DPP3: variants seen among roughly 807,000 people sequenced by gnomAD.
DPP3 encodes DPP III.
Under a neutral mutation model 89.8 loss-of-function variants are expected in DPP3, and 64 were observed. The ratio of observed to expected loss-of-function variants is 0.71; its 90% CI spans 0.58 to 0.88. The LOEUF (loss-of-function observed/expected upper bound fraction) is 0.88. DPP3 is among the 40% of genes least tolerant of loss of function. The pLI is 0.00. For missense variants in DPP3, 835 were observed against 972.5 expected (o/e 0.86, Z 1.88); for synonymous variants, 377 against 404.3 (o/e 0.93, Z 0.81).
intron 16 of DPP3, among the ~76,000 whole-genome samples, chr11:66,502,790 G>A (rs947659259): frequency 9.2e-5 from 14 of 151,896 alleles, no homozygotes; most frequent in East Asian, 3.9e-4. Flanking sequence ...TAGTAGAAAC[G>A]GGGTTTCACA....
Position 66,482,278 on chromosome 11 carries a change from G to A in DPP3, c.78G>A (p.Leu26=), listed in dbSNP as rs1444566555. Residue 26 remains leucine, a synonymous_variant, in exon 2 of 18, where the codon CTG becomes CTA. Coordinates refer to ENST00000531863, the MANE Select transcript of DPP3 (RefSeq NM_130443.4). ...ACTGCCGTGAGGCCTTCCGCCTGCTGTCACCCACAGAGCGCCTCTATGCCT... is the reference window on the plus strand; with the variant it reads ...ACTGCCGTGAGGCCTTCCGCCTGCTATCACCCACAGAGCGCCTCTATGCCT... The part of the protein sequence containing the change: ...SLDCREAFRL[L]SPTERLYAYH... 3 of 1,614,044 alleles carry A rather than the reference G, an allele frequency of 1.9e-6. No homozygotes were observed. The highest frequency in any genetic ancestry group is 2.5e-6 in the Non-Finnish European group (3 of 1,180,050).
intron 17 of DPP3, among the ~76,000 whole-genome samples, chr11:66,505,259 C>T (rs536845921): frequency 4.6e-5 from 7 of 152,312 alleles, no homozygotes; most frequent in African/African-American, 1.7e-4. Flanking sequence ...CTTGGCCACA[C>T]GGTGCTTGTA....
At chr11:66,482,025 T>A in intron 1 of DPP3, 168 bp from the exon 2 acceptor site, 1 of 976,510 alleles carries the variant, frequency 1.0e-6, no homozygotes, top group Non-Finnish European at 1.5e-6. Context: ...CTTGGGTGAG[T>A]CATCTCACCT....
At chr11:66,484,026 G>A (rs943505565) in intron 2 of DPP3, among the ~76,000 whole-genome samples, 20 of 151,242 alleles carry the variant, frequency 1.3e-4, no homozygotes, top group East Asian at 1.2e-3. Context: ...TCACCAGGCC[G>A]GAGTGCAGTG....
chr11:66,494,634 G>A (rs538545315), intron 12 of DPP3, among the ~76,000 whole-genome samples: 167 of 152,336 alleles, frequency 1.1e-3, no homozygotes, highest in Non-Finnish European at 1.9e-3. Flanking sequence ...GAGAGACAGC[G>A]TCCACGGAGG....
intron 17 of DPP3, among the ~76,000 whole-genome samples, chr11:66,505,219 C>T (rs940898559): frequency 1.3e-5 from 2 of 152,164 alleles, no homozygotes; most frequent in Non-Finnish European, 2.9e-5. Context: ...TGCATCATCC[C>T]GCTTCCTTCT....
intron 1 of DPP3, chr11:66,481,957 A>G: frequency 1.7e-6 from 1 of 584,582 alleles, no homozygotes. Context: ...CTTAGAGTCA[A>G]TCTTTAAGGT....
At position 66,482,384 on chromosome 11, in the gene DPP3, C is replaced by T; in HGVS notation, c.184C>T (p.Leu62=). ...TSPEAPYIYA[L]LSRLFRAQDP... ...CCCTGAGGCCCCCTACATCTATGCTCTGCTCAGCCGCCTCTTCCGCGCCCA... is the reference window on the plus strand; with the variant it reads ...CCCTGAGGCCCCCTACATCTATGCTTTGCTCAGCCGCCTCTTCCGCGCCCA... Residue 62 remains leucine, a synonymous_variant, in exon 2 of 18, where the codon CTG becomes TTG. Transcript: ENST00000531863. The T allele has an allele frequency of 1.2e-6, 2 of 1,612,054 alleles. No homozygotes were observed. Among genetic ancestry groups the T allele is most frequent in the Non-Finnish European group, 1.7e-6 (2 of 1,180,028 alleles).
chr11:66,505,362 G>A (rs1370561171), intron 17 of DPP3, among the ~76,000 whole-genome samples: 2 of 152,156 alleles, frequency 1.3e-5, no homozygotes, highest in Non-Finnish European at 2.9e-5. Context: ...CTTGTCACTT[G>A]AGATACCTAA....
chr11:66,496,112 C>T (rs1191283450), intron 15 of DPP3, among the ~76,000 whole-genome samples: 2 of 152,212 alleles, frequency 1.3e-5, no homozygotes, highest in African/African-American at 4.8e-5. Context: ...AGTCGAGGCA[C>T]AAGGAGATGA....
chr11:66,482,409 A>C lies in DPP3; in HGVS notation c.209A>C (p.Gln70Pro), dbSNP rs371108340. ...CTGCTCAGCCGCCTCTTCCGCGCCC[A>C]GGACCCCGACCAGCTGCGCCAACAT... The part of the protein sequence containing the change: ...YALLSRLFRA[Q>P]DPDQLRQHAL... The change falls in exon 2 of 18, where the codon CAG (glutamine) becomes CCG (proline). Residue 70 changes from glutamine to proline, a missense_variant. Gln to Pro is a moderately conservative substitution (Grantham distance 76). Coordinates refer to ENST00000531863, the MANE Select transcript of DPP3 (RefSeq NM_130443.4). 6.2e-7 allele frequency: 1 copy of C among 1,610,208 alleles called. No individual in the cohort carries two copies. Among genetic ancestry groups the C allele is most frequent in the Non-Finnish European group, 8.5e-7 (1 of 1,180,020 alleles).
intron 6 of DPP3, 33 bp downstream of exon 6, chr11:66,488,040 C>T (rs745437755): frequency 2.5e-6 from 4 of 1,601,194 alleles, no homozygotes; most frequent in South Asian, 1.1e-5. Context: ...CTTCTGCTCC[C>T]TCCTGGGCAT....
intron 6 of DPP3, 25 bp from the exon 7 acceptor site, chr11:66,491,228 C>T (rs766384695): frequency 6.2e-7 from 1 of 1,611,926 alleles, no homozygotes; most frequent in East Asian, 2.2e-5. Context: ...AGCCTTTTCT[C>T]TTGAATGACA....
chr11:66,495,185 C>T lies in DPP3; in HGVS notation c.1390-21C>T, dbSNP rs116592718. ...GATCCAGTTGGGGGCGCCTTTCCCTCACCCACCGTGTGTTCTGCAGGACGA... is the reference window on the plus strand; with the variant it reads ...GATCCAGTTGGGGGCGCCTTTCCCTTACCCACCGTGTGTTCTGCAGGACGA... On this transcript the variant is annotated intron_variant, in intron 12 of 17. Coordinates refer to ENST00000531863, the MANE Select transcript of DPP3 (RefSeq NM_130443.4). The T allele has an allele frequency of 2.2e-5, 36 of 1,612,192 alleles. No homozygotes were observed. In the African/African-American group the frequency reaches 4.7e-4, roughly 21 times the overall value.
At position 66,492,775 on chromosome 11, in the gene DPP3, G is replaced by A. The variant is rs138546620; in HGVS notation, c.1048G>A (p.Ala350Thr). Reference protein sequence around the residue: ...SAKFERLVASAEQLLKELPWP... With the variant: ...SAKFERLVASTEQLLKELPWP... ...CAAGTTTGAGCGGCTGGTGGCGAGCGCAGAGCAGCTGCTGAAGGAGCTGCC... is the reference window on the plus strand; with the variant it reads ...CAAGTTTGAGCGGCTGGTGGCGAGCACAGAGCAGCTGCTGAAGGAGCTGCC... The change falls in exon 10 of 18, where the codon GCA becomes ACA. Residue 350 changes from alanine (A) to threonine (T), a missense_variant. Coordinates refer to ENST00000531863, the MANE Select transcript of DPP3 (RefSeq NM_130443.4). 810 of 1,613,456 alleles carry A rather than the reference G, an allele frequency of 5.0e-4. 1 individual carries two copies. The highest frequency in any genetic ancestry group is 6.4e-4 in the Non-Finnish European group (754 of 1,179,814).
chr11:66,496,404 G>A (rs1855536708), intron 15 of DPP3, among the ~76,000 whole-genome samples: 1 of 150,908 alleles, frequency 6.6e-6, no homozygotes, highest in Admixed American at 6.6e-5. Context: ...ACCACACCCG[G>A]CTAATTTTTT....
At chr11:66,492,549 A>G (rs764540631) in intron 9 of DPP3, 167 bp from the exon 10 acceptor site, 19 of 744,826 alleles carry the variant, frequency 2.6e-5, no homozygotes, top group Non-Finnish European at 3.8e-5. Context: ...TTTCCTGTCC[A>G]GGTCCTGACC....
rs147679745 is a variant in DPP3, at chr11:66,491,338, C to T, written c.753C>T (p.Tyr251=). Residue 251 remains tyrosine, a synonymous_variant, in exon 7 of 18, where the codon TAC becomes TAT. Transcript: ENST00000531863. ...CTTTCCAGGTGACCCGGGGGGACTA[C>T]GCGCCCATCCTCCAGAAGGTGGTGG... The part of the protein sequence containing the change: ...GSPFQVTRGD[Y]APILQKVVEQ... 10 of 1,613,868 alleles carry T rather than the reference C, an allele frequency of 6.2e-6. No individual in the cohort carries two copies. Among genetic ancestry groups the T allele is most frequent in the African/African-American group, 2.7e-5 (2 of 74,898 alleles).
intron 1 of DPP3, 168 bp downstream of exon 1, chr11:66,480,633 C>T: frequency 1.4e-6 from 1 of 731,970 alleles, no homozygotes; most frequent in South Asian, 3.0e-5. Flanking sequence ...AAAGAGTTAA[C>T]AGCCCTTTCC....
Sources: gnomAD v4.1 joint callset for allele counts (sites outside exome capture counted in the v4.1 genomes callset) on GRCh38, gnomAD v4.1.1 for gene constraint, MANE v1.5 for transcripts, NCBI Gene and HGNC (gene_info 2026-07-23, HGNC 2026-07-21) for gene names.